Variants in SYNE2 observed in about 807,000 individuals in gnomAD.
SYNE2 encodes nesprin-2.
A neutral mutation model predicts 856.3 loss-of-function variants in SYNE2; 431 were observed. That is an observed-to-expected ratio of 0.50 (90% CI 0.47 to 0.55). The LOEUF (loss-of-function observed/expected upper bound fraction) is 0.55, where lower values mean the gene tolerates loss of function less well. Ranked by LOEUF, SYNE2 falls within the 20% of genes least tolerant of loss-of-function variation. The pLI is 0.00. For synonymous variants in SYNE2, 2,923 were observed against 2,872.3 expected (o/e 1.02, Z -0.56); for missense variants, 8,129 against 8,023.2 (o/e 1.01, Z -0.50).
chr14:64,132,499 C>G, intron 77 of SYNE2, 61 bp downstream of exon 77: 1 of 1,584,054 alleles, frequency 6.3e-7, no homozygotes, highest in South Asian at 1.1e-5. Context: ...CATCACCACC[C>G]CAGGTGTTGA....
chr14:64,182,854 C>G (rs1048900831), intron 96 of SYNE2, among the ~76,000 whole-genome samples: 2 of 152,154 alleles, frequency 1.3e-5, no homozygotes, highest in African/African-American at 4.8e-5. Context: ...TTCTATTTGA[C>G]AAAACCGCCA....
intron 85 of SYNE2, among the ~76,000 whole-genome samples, chr14:64,154,415 C>A (rs976724254): frequency 6.6e-6 from 1 of 151,976 alleles, no homozygotes; most frequent in Admixed American, 6.5e-5. Flanking sequence ...ATTTATAAAT[C>A]ATATATTTGA....
intron 1 of SYNE2, among the ~76,000 whole-genome samples, chr14:63,826,893 TC>T (rs1384126363): frequency 6.6e-6 from 1 of 152,022 alleles, no homozygotes; most frequent in Non-Finnish European, 1.5e-5. Flanking sequence ...CTTTAAAAAC[TC>T]CCCAAGAAAG....
intron 103 of SYNE2, among the ~76,000 whole-genome samples, chr14:64,210,582 G>T (rs1393103231): frequency 6.6e-6 from 1 of 152,214 alleles, no homozygotes; most frequent in Non-Finnish European, 1.5e-5. Flanking sequence ...CTGGGGGGTT[G>T]GGGACTGTGA....
chr14:64,194,270 C>T (rs1482667188), intron 99 of SYNE2, among the ~76,000 whole-genome samples: 3 of 147,490 alleles, frequency 2.0e-5, no homozygotes, highest in African/African-American at 7.8e-5. Flanking sequence ...TTATCTGTGT[C>T]TATTAGCCCC....
chr14:63,996,278 G>A (rs182517385), intron 23 of SYNE2, among the ~76,000 whole-genome samples: 82 of 152,214 alleles, frequency 5.4e-4, no homozygotes, highest in African/African-American at 1.9e-3. Context: ...TTCCTTCCCA[G>A]TGGTGTTGCC....
At chr14:64,207,284 G>A (rs2098609918) in intron 100 of SYNE2, among the ~76,000 whole-genome samples, 1 of 152,198 alleles carries the variant, frequency 6.6e-6, no homozygotes, top group Admixed American at 6.5e-5. Context: ...AGAAAAGTAA[G>A]AGAATAGGGG....
intron 1 of SYNE2, among the ~76,000 whole-genome samples, chr14:63,859,003 G>A (rs550298516): frequency 2.0e-5 from 3 of 152,186 alleles, no homozygotes; most frequent in South Asian, 2.1e-4. Flanking sequence ...TTTGTTTATG[G>A]TGTGAATATG....
intron 1 of SYNE2, among the ~76,000 whole-genome samples, chr14:63,906,923 TC>T (rs2095415764): frequency 6.6e-6 from 1 of 152,194 alleles, no homozygotes; most frequent in Admixed American, 6.5e-5. Context: ...CAGTCTATCC[TC>T]ACATGGTAGA....
At chr14:63,881,646 G>GA (rs1019010855) in intron 1 of SYNE2, among the ~76,000 whole-genome samples, 27 of 149,030 alleles carry the variant, frequency 1.8e-4, no homozygotes, top group East Asian at 1.8e-3. Flanking sequence ...TAAAGAATTA[G>GA]AAAAAAAACC....
In SYNE2 at chr14:64,188,126, TTTGA is replaced by T. The variant is rs1267600601; in HGVS notation, c.17713-419_17713-416del. 4.6e-5 allele frequency among the ~76,000 whole-genome samples: 7 copies of T among 152,238 alleles called. No homozygotes were observed. The East Asian group carries it at 5.8e-4, about 13-fold the overall frequency. On this transcript the variant is annotated intron_variant, in intron 97 of 115. Transcript: ENST00000555002. Reference sequence around the variant, plus strand: ...TCCTGGTCCATTTGCATTATAAATGTTTGATTGACATTCTATCTGGATTAATAGT... The same window carrying T: ...TCCTGGTCCATTTGCATTATAAATGTTTGACATTCTATCTGGATTAATAGT...
At position 64,048,121 on chromosome 14, in the gene SYNE2, C is replaced by T. The variant is rs2097199225; in HGVS notation, c.7343C>T (p.Thr2448Ile). 1 of 1,613,250 alleles carries T rather than the reference C, an allele frequency of 6.2e-7. No homozygotes were observed. ...ELQNQPLELD[T>I]MLRNEQLEEI... Reference sequence around the variant, plus strand: ...CAAAATCAACCTTTAGAATTAGATACTATGTTAAGAAATGAACAATTAGAA... The same window carrying T: ...CAAAATCAACCTTTAGAATTAGATATTATGTTAAGAAATGAACAATTAGAA... The change falls in exon 46 of 116, where the codon ACT becomes ATT. Residue 2448 changes from threonine (T) to isoleucine (I), a missense_variant. Transcript: ENST00000555002.
intron 2 of SYNE2, among the ~76,000 whole-genome samples, chr14:63,927,224 G>A (rs2095680253): frequency 6.6e-6 from 1 of 152,194 alleles, no homozygotes; most frequent in South Asian, 2.1e-4. Context: ...GTTGGCCATG[G>A]AAGCATTCCA....
intron 61 of SYNE2, among the ~76,000 whole-genome samples, chr14:64,095,551 G>GA (rs1555479708): frequency 6.6e-6 from 1 of 152,010 alleles, no homozygotes; most frequent in Admixed American, 6.6e-5. Context: ...TATCTCTTCA[G>GA]AAAAAATCTT....
chr14:63,854,690 G>A (rs1197244432), intron 1 of SYNE2, among the ~76,000 whole-genome samples: 1 of 152,198 alleles, frequency 6.6e-6, no homozygotes, highest in Non-Finnish European at 1.5e-5. Flanking sequence ...ACCACTTTTG[G>A]TCAGCTAGCC....
chr14:64,053,370 A>G lies in SYNE2; in HGVS notation c.9457A>G (p.Asn3153Asp). ...CTCACCAAAAGAATTGGATGAAAAG[A>G]ATTGTCAGGACAAACTAGAAACTTC... ...ELSPKELDEK[N>D]CQDKLETSLH... The change falls in exon 48 of 116, where the codon AAT (asparagine) becomes GAT (aspartate). Residue 3153 changes from asparagine (N) to aspartate (D), a missense_variant. Physicochemically the swap from Asn to Asp is conservative, Grantham distance 23. Around this residue, in one of 3 missense-constraint regions of SYNE2, gnomAD observed 5,410 missense variants for 5,284.8 expected, o/e 1.02. Coordinates refer to ENST00000555002, the MANE Select transcript of SYNE2 (RefSeq NM_182914.3). The G allele has an allele frequency of 6.2e-7, 1 of 1,613,834 alleles. No homozygotes were observed. Among genetic ancestry groups the G allele is most frequent in the Non-Finnish European group, 8.5e-7 (1 of 1,179,972 alleles).
chr14:64,015,075 G>GTATATATA (rs1464076604), intron 32 of SYNE2, among the ~76,000 whole-genome samples: 1 of 141,036 alleles, frequency 7.1e-6, no homozygotes, highest in Admixed American at 7.2e-5. Flanking sequence ...GTGTATATAT[G>GTATATATA]TATATATATA....
chr14:64,003,422 T>C lies in SYNE2; in HGVS notation c.4397+92T>C. On this transcript the variant is annotated intron_variant, in intron 30 of 115. Coordinates refer to ENST00000555002, the MANE Select transcript of SYNE2 (RefSeq NM_182914.3). ...GTGAAAGAAATTCTTCCTATGTCTT[T>C]CTGCTTCTATTCCATCCCACTCTAT... 8 of 1,487,240 alleles carry C rather than the reference T, an allele frequency of 5.4e-6. No individual in the cohort carries two copies. The South Asian group carries it at 8.0e-5, about 15-fold the overall frequency. 92.1% of individuals were successfully genotyped at this position (1,487,240 alleles called of 1,614,324 possible).
chr14:63,918,268 C>G (rs1043652061), intron 2 of SYNE2, among the ~76,000 whole-genome samples: 5 of 152,160 alleles, frequency 3.3e-5, no homozygotes, highest in Non-Finnish European at 7.4e-5. Flanking sequence ...TGGTTTAACA[C>G]TCTGAATTGG....
Sources: allele counts gnomAD v4.1 joint callset (sites outside exome capture counted in the v4.1 genomes callset), GRCh38; gene constraint gnomAD v4.1.1; regional missense constraint gnomAD v4.1.1; transcripts MANE v1.5; gene names NCBI Gene and HGNC (gene_info 2026-07-23, HGNC 2026-07-21).